WWC1: variants seen among roughly 807,000 people sequenced by gnomAD.
WWC1 encodes the protein protein KIBRA.
Under a neutral mutation model 138.4 loss-of-function variants are expected in WWC1, and 55 were observed. That is an observed-to-expected ratio of 0.40 (90% CI 0.32 to 0.50). The LOEUF (loss-of-function observed/expected upper bound fraction) is 0.50. Ranked by LOEUF, WWC1 falls within the 20% of genes least tolerant of loss-of-function variation. WWC1 has a pLI of 0.72. For missense variants in WWC1, 1,226 were observed against 1,420.4 expected, an observed-to-expected ratio of 0.86 and a Z score of 2.20; for synonymous variants, 524 against 564.9, an observed-to-expected ratio of 0.93 and a Z score of 1.03.
At chr5:168,420,155 G>A (rs1780974535) in intron 9 of WWC1, among the ~76,000 whole-genome samples, 2 of 152,306 alleles carry the variant, frequency 1.3e-5, no homozygotes, top group Admixed American at 1.3e-4. Flanking sequence ...TGGTGCGTGA[G>A]TCTACTAGGG....
At chr5:168,443,651 T>C (rs969925642) in intron 16 of WWC1, among the ~76,000 whole-genome samples, 1 of 152,202 alleles carries the variant, frequency 6.6e-6, no homozygotes. Context: ...TTGTAAAGAT[T>C]AAATAAGATG....
rs534715591 is a variant in WWC1 at position 168,378,823 on chromosome 5, T to G, written c.230-6388T>G. ...TGTTTTGAATTTGCACTCCTTTGCA[T>G]AGTAACAAGGTTGAATATTCTCCAG... On this transcript the variant is annotated intron_variant, in intron 2 of 22. Transcript: ENST00000265293. Among the ~76,000 whole-genome samples the G allele has an allele frequency of 2.0e-5, 3 of 152,356 alleles. No individual in the cohort carries two copies. The South Asian group carries it at 6.2e-4, about 32-fold the overall frequency.
intron 1 of WWC1, among the ~76,000 whole-genome samples, chr5:168,345,650 A>T (rs1774403795): frequency 1.3e-5 from 2 of 152,248 alleles, no homozygotes; most frequent in South Asian, 4.1e-4. Flanking sequence ...AAAGATGTTG[A>T]CAGTAAATAC....
chr5:168,345,486 C>T (rs1036284140), intron 1 of WWC1, among the ~76,000 whole-genome samples: 6 of 152,178 alleles, frequency 3.9e-5, no homozygotes, highest in Admixed American at 1.3e-4. Context: ...AGTAACTCAG[C>T]CATTCCTTGG....
intron 5 of WWC1, 115 bp downstream of exon 5, chr5:168,399,682 T>C (rs532274359): frequency 9.9e-7 from 1 of 1,007,156 alleles, no homozygotes; most frequent in African/African-American, 1.6e-5. Context: ...AATGTGGCTC[T>C]CTCATCATTC....
rs746234735 is a variant in WWC1 at position 168,469,920 on chromosome 5, T to C, written c.*903T>C. 1 of 152,194 alleles carries C rather than the reference T, an allele frequency of 6.6e-6. No homozygotes were observed. The highest frequency in any genetic ancestry group is 1.5e-5 in the Non-Finnish European group (1 of 68,044). The allele number at this position is 152,194 out of a possible 1,614,324, so 9.4% of individuals were successfully genotyped here. A position where few individuals can be genotyped will look rare whatever the true frequency, so the allele number is the denominator to read the frequency against. On this transcript the variant is annotated 3_prime_UTR_variant, in exon 23 of 23. Coordinates refer to ENST00000265293, the MANE Select transcript of WWC1 (RefSeq NM_015238.3). ...TTTTCATTTGCTCATTAAATTAAAA[T>C]GACTGCTCGGCTCATTGGGAATCCA...
intron 1 of WWC1, among the ~76,000 whole-genome samples, chr5:168,308,449 A>G (rs1452909915): frequency 6.6e-6 from 1 of 152,244 alleles, no homozygotes; most frequent in East Asian, 1.9e-4. Flanking sequence ...TTTAAATAAA[A>G]TACATCTATA....
At chr5:168,416,834 C>A (rs1780694968) in intron 9 of WWC1, among the ~76,000 whole-genome samples, 1 of 152,178 alleles carries the variant, frequency 6.6e-6, no homozygotes, top group African/African-American at 2.4e-5. Flanking sequence ...AAACTACATA[C>A]AATGAAACCA....
intron 17 of WWC1, among the ~76,000 whole-genome samples, chr5:168,449,447 C>G (rs552103506): frequency 6.6e-6 from 1 of 152,236 alleles, no homozygotes; most frequent in South Asian, 2.1e-4. Flanking sequence ...TCTTTGAGCA[C>G]TGTTGTGAGG....
intron 1 of WWC1, among the ~76,000 whole-genome samples, chr5:168,343,270 A>G (rs887960468): frequency 3.9e-5 from 6 of 152,200 alleles, no homozygotes. Context: ...GAATTTATTC[A>G]TGATAGCTTC....
chr5:168,400,423 A>G (rs973589857), intron 5 of WWC1, among the ~76,000 whole-genome samples: 1 of 152,184 alleles, frequency 6.6e-6, no homozygotes, highest in Admixed American at 6.5e-5. Flanking sequence ...ATAAGTGAGA[A>G]CACGCAGTAG....
intron 19 of WWC1, among the ~76,000 whole-genome samples, chr5:168,459,399 C>T (rs972561416): frequency 5.3e-5 from 8 of 152,168 alleles, no homozygotes; most frequent in Non-Finnish European, 1.0e-4. Context: ...GCCCTACTTA[C>T]AGGCTGGAGC....
chr5:168,422,764 G>A (rs2152852208), intron 10 of WWC1, among the ~76,000 whole-genome samples: 1 of 152,276 alleles, frequency 6.6e-6, no homozygotes, highest in South Asian at 2.1e-4. Context: ...TCTAATGGTG[G>A]TCTTCTCTTT....
At chr5:168,375,840 G>T (rs1340067575) in intron 2 of WWC1, among the ~76,000 whole-genome samples, 1 of 152,036 alleles carries the variant, frequency 6.6e-6, no homozygotes, top group African/African-American at 2.4e-5. Flanking sequence ...CTCCCAAAGT[G>T]CTGGGAATAC....
chr5:168,306,980 A>G (rs1770616722), intron 1 of WWC1, among the ~76,000 whole-genome samples: 1 of 152,170 alleles, frequency 6.6e-6, no homozygotes, highest in Admixed American at 6.5e-5. Context: ...TATGCACATA[A>G]TCTACATCTT....
At position 168,292,842 on chromosome 5, in the gene WWC1, C is replaced by A. The variant is rs1043367929; in HGVS notation, c.119+571C>A. 6.6e-6 allele frequency among the ~76,000 whole-genome samples: 1 copy of A among 151,966 alleles called. No individual in the cohort carries two copies. The highest frequency in any genetic ancestry group is 2.4e-5 in the African/African-American group (1 of 41,358). On this transcript the variant is annotated intron_variant, in intron 1 of 22. Coordinates refer to ENST00000265293, the MANE Select transcript of WWC1 (RefSeq NM_015238.3). This position sits in a 1 kb window ranked among gnomAD's most constrained non-coding sequence, Gnocchi z 4.4. Reference sequence around the variant, plus strand: ...CTGCTGAGAACAGCACAGGGGCAGCCAGGGGGCCCTGGAACCCGAGGGTGG... The same window carrying A: ...CTGCTGAGAACAGCACAGGGGCAGCAAGGGGGCCCTGGAACCCGAGGGTGG...
At chr5:168,404,447 C>T (rs954387060) in intron 5 of WWC1, among the ~76,000 whole-genome samples, 2 of 152,230 alleles carry the variant, frequency 1.3e-5, no homozygotes, top group Admixed American at 6.5e-5. Flanking sequence ...GAGACATAAA[C>T]GGGGCTTTGT....
intron 2 of WWC1, among the ~76,000 whole-genome samples, chr5:168,382,234 C>T (rs926378755): frequency 6.6e-6 from 1 of 152,172 alleles, no homozygotes; most frequent in African/African-American, 2.4e-5. Context: ...AAACAAGTCA[C>T]AGACCAATAT....
rs941675566 is a variant in WWC1 at position 168,471,202 on chromosome 5, C to G, written c.*2185C>G. The G allele has an allele frequency of 2.0e-5, 3 of 152,534 alleles. No individual in the cohort carries two copies. Among genetic ancestry groups the G allele is most frequent in the Non-Finnish European group, 4.4e-5 (3 of 68,226 alleles). The allele number at this position is 152,534 out of a possible 1,614,324, so 9.4% of individuals were successfully genotyped here. On this transcript the variant is annotated 3_prime_UTR_variant, in exon 23 of 23. Transcript: ENST00000265293. ...CTGTCTCTCCTCATGTATAAGGAAC[C>G]TATAGTGGTGTAGAATCTACTCTTC...
Sources: gnomAD v4.1 joint callset for allele counts (sites outside exome capture counted in the v4.1 genomes callset) on GRCh38, gnomAD v4.1.1 for gene constraint, Gnocchi (gnomAD v3.1) non-coding constraint, MANE v1.5 for transcripts, NCBI Gene and HGNC (gene_info 2026-07-23, HGNC 2026-07-21) for gene names.